Variants in RTN3 observed in about 807,000 individuals in gnomAD.
RTN3 encodes the protein reticulon 3.
A neutral mutation model predicts 77.8 loss-of-function variants in RTN3; 49 were observed. The observed-to-expected ratio is 0.63, with a 90% confidence interval of 0.50 to 0.80. The LOEUF is 0.80. Among genes scored for constraint, RTN3 ranks in the 30% least tolerant of loss-of-function variants. The pLI, the probability that RTN3 is intolerant of heterozygous loss-of-function variation, is 0.00. For missense variants in RTN3, 1,236 were observed against 1,211.9 expected, an observed-to-expected ratio of 1.02 and a Z score of -0.29; for synonymous variants, 464 against 446.9, an observed-to-expected ratio of 1.04 and a Z score of -0.48.
intron 3 of RTN3, among the ~76,000 whole-genome samples, chr11:63,733,592 G>A (rs1483195055): frequency 6.6e-6 from 1 of 152,098 alleles, no homozygotes; most frequent in African/African-American, 2.4e-5. Flanking sequence ...ATGTTTGGCT[G>A]AGTGCAGTGG....
chr11:63,691,900 T>G (rs1262109473), intron 1 of RTN3, among the ~76,000 whole-genome samples: 1 of 152,154 alleles, frequency 6.6e-6, no homozygotes, highest in Non-Finnish European at 1.5e-5. Flanking sequence ...GCAAGTTGGA[T>G]CATGTCACTT....
intron 3 of RTN3, among the ~76,000 whole-genome samples, chr11:63,748,245 C>T (rs1371892326): frequency 6.7e-6 from 1 of 150,234 alleles, no homozygotes; most frequent in African/African-American, 2.5e-5. Flanking sequence ...AAACCAGGAC[C>T]ATCCTGGGCA....
chr11:63,755,609 C>T (rs1375704121), intron 7 of RTN3, among the ~76,000 whole-genome samples: 1 of 139,954 alleles, frequency 7.1e-6, no homozygotes, highest in Non-Finnish European at 1.5e-5. Context: ...CGAGATCACA[C>T]CATTGCACTC....
chr11:63,693,975 C>G (rs1379456554), intron 1 of RTN3, among the ~76,000 whole-genome samples: 2 of 151,930 alleles, frequency 1.3e-5, no homozygotes, highest in Non-Finnish European at 2.9e-5. Context: ...TAAAAATAAT[C>G]TGGGTGTGGT....
At chr11:63,753,187 G>A (rs760430165) in intron 6 of RTN3, 49 bp downstream of exon 6, 8 of 1,542,714 alleles carry the variant, frequency 5.2e-6, no homozygotes, top group Non-Finnish European at 2.7e-6. Flanking sequence ...TAGTTTGTAA[G>A]AATAAGAGTG....
intron 2 of RTN3, among the ~76,000 whole-genome samples, chr11:63,705,545 T>A (rs1942457824): frequency 6.6e-6 from 1 of 152,190 alleles, no homozygotes; most frequent in South Asian, 2.1e-4. Flanking sequence ...ATGCATTTAA[T>A]ATATTGTTTT....
chr11:63,719,045 TAA>T lies in RTN3; in HGVS notation c.545_546del (p.Lys182ArgfsTer11), dbSNP rs755054102. 5.0e-6 allele frequency: 8 copies of T among 1,614,048 alleles called. No individual in the cohort carries two copies. In the Admixed American group the frequency reaches 1.0e-4, roughly 20 times the overall value. ...TTGGTCAAGTGGAAGAGCAAATAGATAAAGAGACCAAGAACCCAAATGGGGTA... is the reference window on the plus strand; with the variant it reads ...TTGGTCAAGTGGAAGAGCAAATAGATAGAGACCAAGAACCCAAATGGGGTA... ...KIGQVEEQIDKETKNPNGVSS... is the reference protein window; with the variant it reads ...KIGQVEEQIDXETKNPNGVSS... On this transcript the variant is annotated frameshift_variant, in exon 3 of 9. Transcript: ENST00000377819. LOFTEE classifies it high-confidence loss of function.
intron 3 of RTN3, among the ~76,000 whole-genome samples, chr11:63,725,212 T>G (rs2012155992): frequency 6.6e-6 from 1 of 152,226 alleles, no homozygotes; most frequent in South Asian, 2.1e-4. Context: ...TGTATTGTTT[T>G]ATGCTTTTTA....
intron 1 of RTN3, among the ~76,000 whole-genome samples, chr11:63,691,807 C>T (rs1017935369): frequency 1.8e-4 from 27 of 152,144 alleles, no homozygotes; most frequent in African/African-American, 6.5e-4. Flanking sequence ...ATTGTAGATG[C>T]CGCCTATCTG....
intron 3 of RTN3, among the ~76,000 whole-genome samples, chr11:63,746,576 G>T (rs142134582): frequency 5.9e-5 from 9 of 151,556 alleles, no homozygotes. Context: ...GTGAAGTGGC[G>T]CAATCTTGGC....
In RTN3 at chr11:63,735,590, CTCTCTCTCTCTT is replaced by C. The variant is rs1443363883; in HGVS notation, c.2531-14397_2531-14386del. Among the ~76,000 whole-genome samples, 183 of 149,488 alleles carry C rather than the reference CTCTCTCTCTCTT, an allele frequency of 1.2e-3. 1 individual carries two copies. Among genetic ancestry groups the C allele is most frequent in the African/African-American group, 4.3e-3 (171 of 40,050 alleles). ...TCTCTCTCTCTCTCTCTCTCTCTCT[CTCTCTCTCTCTT>C]TCTTTCAACCCCTGTTTCCTGGGCT... On this transcript the variant is annotated intron_variant, in intron 3 of 8. Transcript: ENST00000377819.
At chr11:63,684,734 C>T (rs537474878) in intron 1 of RTN3, among the ~76,000 whole-genome samples, 8 of 152,250 alleles carry the variant, frequency 5.3e-5, no homozygotes, top group African/African-American at 1.2e-4. Flanking sequence ...ATCAAATTTA[C>T]GAGCTAGAAA....
chr11:63,750,270 C>A, intron 4 of RTN3, 72 bp downstream of exon 4: 1 of 1,258,208 alleles, frequency 7.9e-7, no homozygotes, highest in Non-Finnish European at 1.1e-6. Context: ...AGGTCTAAAA[C>A]TCAGACCTGA....
intron 3 of RTN3, among the ~76,000 whole-genome samples, chr11:63,727,027 T>C (rs1293117096): frequency 1.3e-5 from 2 of 151,878 alleles, no homozygotes; most frequent in Non-Finnish European, 2.9e-5. Context: ...CCATCTCCAC[T>C]AAAAAATACA....
chr11:63,697,083 A>C (rs1178648069), intron 1 of RTN3, among the ~76,000 whole-genome samples: 1 of 150,080 alleles, frequency 6.7e-6, no homozygotes, highest in Non-Finnish European at 1.5e-5. Flanking sequence ...ATGGGGTTTC[A>C]CCATGTTAGC....
chr11:63,698,069 C>T (rs1942054925), intron 1 of RTN3, among the ~76,000 whole-genome samples: 1 of 151,980 alleles, frequency 6.6e-6, no homozygotes, highest in African/African-American at 2.4e-5. Context: ...CTGTTCCCTC[C>T]CCCTCTACCA....
At chr11:63,713,954 T>C (rs758047149) in intron 2 of RTN3, 1 of 512,202 alleles carries the variant, frequency 2.0e-6, no homozygotes, top group East Asian at 5.5e-5. Context: ...CACTGGACTT[T>C]TCTGTCCTTT....
At chr11:63,694,810 A>G (rs1941854613) in intron 1 of RTN3, among the ~76,000 whole-genome samples, 1 of 152,090 alleles carries the variant, frequency 6.6e-6, no homozygotes, top group African/African-American at 2.4e-5. Flanking sequence ...AGGCTTTCTA[A>G]TTTTCTTTTG....
intron 3 of RTN3, among the ~76,000 whole-genome samples, chr11:63,726,991 G>C (rs947072861): frequency 1.3e-5 from 2 of 151,840 alleles, no homozygotes; most frequent in African/African-American, 4.8e-5. Flanking sequence ...AGAGTTCAAG[G>C]CCAGCCTGGG....
Sources: allele counts gnomAD v4.1 joint callset (sites outside exome capture counted in the v4.1 genomes callset), GRCh38; gene constraint gnomAD v4.1.1; transcripts MANE v1.5; gene names NCBI Gene and HGNC (gene_info 2026-07-23, HGNC 2026-07-21).